Variants in CDH2 observed in about 807,000 individuals in gnomAD.
CDH2 encodes the protein cadherin 2.
CDH2 carries 17 observed loss-of-function variants against 92.0 expected under a neutral mutation model. The observed-to-expected ratio is 0.18, with a 90% CI of 0.13 to 0.28. The LOEUF (loss-of-function observed/expected upper bound fraction) is 0.28. Among genes scored for constraint, CDH2 ranks in the 10% least tolerant of loss-of-function variants. CDH2 has a pLI of 1.00. For missense variants in CDH2, 862 were observed against 1,133.1 expected (o/e 0.76, Z 3.44); for synonymous variants, 419 against 415.9 (o/e 1.01, Z -0.09).
chr18:27,949,281 T>C (rs1389989870), downstream of CDH2, among the ~76,000 whole-genome samples: 1 of 152,026 alleles, frequency 6.6e-6, no homozygotes, highest in Non-Finnish European at 1.5e-5. Flanking sequence ...CTTTTAAGCA[T>C]GCTAAAACAT....
intron 7 of CDH2, among the ~76,000 whole-genome samples, chr18:27,995,360 T>C (rs146063842): frequency 5.6e-4 from 85 of 151,822 alleles, no homozygotes; most frequent in African/African-American, 2.0e-3. Flanking sequence ...ATAATACTTC[T>C]TCAGTTGCTT....
intron 1 of CDH2, among the ~76,000 whole-genome samples, chr18:28,154,459 A>T (rs937954390): frequency 6.6e-6 from 1 of 152,098 alleles, no homozygotes; most frequent in Non-Finnish European, 1.5e-5. Context: ...TATTTACTCT[A>T]CTCTTCCCAG....
intron 2 of CDH2, among the ~76,000 whole-genome samples, chr18:28,075,765 A>G (rs1461557734): frequency 6.6e-6 from 1 of 152,210 alleles, no homozygotes; most frequent in Non-Finnish European, 1.5e-5. Context: ...ACCTTCAGAT[A>G]GTCAAGGGAA....
At chr18:27,972,912 G>A (rs573777923) in intron 14 of CDH2, among the ~76,000 whole-genome samples, 223 of 152,318 alleles carry the variant, frequency 1.5e-3, no homozygotes, top group Non-Finnish European at 2.6e-3. Flanking sequence ...TCTAAGACAA[G>A]ATGTCTTGAG....
chr18:28,015,439 TA>T (rs1334635218), intron 2 of CDH2, among the ~76,000 whole-genome samples: 2 of 152,154 alleles, frequency 1.3e-5, no homozygotes, highest in Non-Finnish European at 2.9e-5. Flanking sequence ...CCCCATGATT[TA>T]AAAGTGAAAA....
chr18:28,105,978 A>T (rs1439093957), intron 2 of CDH2, among the ~76,000 whole-genome samples: 2 of 152,252 alleles, frequency 1.3e-5, no homozygotes, highest in Admixed American at 6.5e-5. Flanking sequence ...ATTGAGTAGA[A>T]TTCATTCTCT....
intron 1 of CDH2, among the ~76,000 whole-genome samples, chr18:28,159,600 G>T (rs2016274206): frequency 6.6e-6 from 1 of 151,724 alleles, no homozygotes; most frequent in South Asian, 2.1e-4. Context: ...ACTCATGGAG[G>T]AACTTGGGCT....
chr18:28,096,396 G>A (rs1336046685), intron 2 of CDH2, among the ~76,000 whole-genome samples: 1 of 149,528 alleles, frequency 6.7e-6, no homozygotes, highest in Non-Finnish European at 1.5e-5. Context: ...TGGCTGCCAA[G>A]GAGGCAAGTT....
At chr18:28,055,746 A>C (rs887531654) in intron 2 of CDH2, among the ~76,000 whole-genome samples, 3 of 152,184 alleles carry the variant, frequency 2.0e-5, no homozygotes, top group African/African-American at 7.2e-5. Context: ...TAACTGCTAT[A>C]TATATACTTC....
chr18:28,028,586 A>G (rs1194239079), intron 2 of CDH2, among the ~76,000 whole-genome samples: 1 of 152,006 alleles, frequency 6.6e-6, no homozygotes, highest in Non-Finnish European at 1.5e-5. Context: ...TAATATATAT[A>G]AAAAACAGGT....
Position 27,951,815 on chromosome 18 carries a change from C to A in CDH2, c.*338G>T. The A allele has an allele frequency of 4.5e-6, 1 of 222,366 alleles. No homozygotes were observed. Among genetic ancestry groups the A allele is most frequent in the Non-Finnish European group, 9.1e-6 (1 of 110,272 alleles). 13.8% of individuals were successfully genotyped at this position (222,366 alleles called of 1,614,324 possible). On this transcript the variant is annotated 3_prime_UTR_variant, in exon 16 of 16. Coordinates refer to ENST00000269141, the MANE Select transcript of CDH2 (RefSeq NM_001792.5). ...TCATGGTTTAACTTACTGCTCCCAC[C>A]ACAAAATATTTTGTCTTTTACTTAT...
At chr18:28,067,236 C>G (rs750040400) in intron 2 of CDH2, among the ~76,000 whole-genome samples, 11 of 152,076 alleles carry the variant, frequency 7.2e-5, no homozygotes, top group Non-Finnish European at 1.5e-4. Flanking sequence ...ATATACAATT[C>G]ACTCATTTAA....
intron 2 of CDH2, among the ~76,000 whole-genome samples, chr18:28,046,183 T>A (rs574920998): frequency 3.8e-4 from 58 of 152,242 alleles, no homozygotes; most frequent in African/African-American, 1.3e-3. Context: ...ATAATTTAAA[T>A]ACGGTGCATT....
chr18:28,104,235 G>A (rs2015284452), intron 2 of CDH2, among the ~76,000 whole-genome samples: 1 of 152,068 alleles, frequency 6.6e-6, no homozygotes, highest in South Asian at 2.1e-4. Context: ...GACCATAAAA[G>A]TATTTACCAT....
intron 1 of CDH2, among the ~76,000 whole-genome samples, chr18:28,157,862 C>G (rs2016245613): frequency 6.6e-6 from 1 of 152,058 alleles, no homozygotes; most frequent in African/African-American, 2.4e-5. Context: ...AGCCTCACAC[C>G]CCCCAGCCCA....
At chr18:28,158,121 G>A (rs1297601946) in intron 1 of CDH2, among the ~76,000 whole-genome samples, 1 of 152,146 alleles carries the variant, frequency 6.6e-6, no homozygotes, top group Non-Finnish European at 1.5e-5. Flanking sequence ...TTTAATTTGA[G>A]TAGCTGGCCA....
chr18:28,153,701 C>G (rs1371768693), intron 1 of CDH2, among the ~76,000 whole-genome samples: 1 of 152,208 alleles, frequency 6.6e-6, no homozygotes, highest in African/African-American at 2.4e-5. Context: ...ATCTGTACAA[C>G]AAGAGTACTA....
At chr18:28,007,165 A>AAAAAAAAATATATAT (rs1172779200) in intron 5 of CDH2, among the ~76,000 whole-genome samples, 15 of 110,456 alleles carry the variant, frequency 1.4e-4, no homozygotes, top group African/African-American at 6.6e-4. Context: ...ATAAAAAAAA[A>AAAAAAAAATATATAT]ATATATATAT....
intron 15 of CDH2, among the ~76,000 whole-genome samples, chr18:27,960,455 T>C (rs1462149800): frequency 6.6e-6 from 1 of 152,182 alleles, no homozygotes; most frequent in Non-Finnish European, 1.5e-5. Flanking sequence ...GTAGATAGCC[T>C]GCAAGATGCT....
Sources: gnomAD v4.1 joint callset for allele counts (sites outside exome capture counted in the v4.1 genomes callset) on GRCh38, gnomAD v4.1.1 for gene constraint, MANE v1.5 for transcripts, NCBI Gene and HGNC (gene_info 2026-07-23, HGNC 2026-07-21) for gene names.